Variants in ARID4B observed in about 807,000 individuals in gnomAD.
ARID4B encodes the protein AT-rich interaction domain 4B, also known as AT-rich interactive domain-containing protein 4B.
Under a neutral mutation model 147.5 loss-of-function variants are expected in ARID4B, and 26 were observed. The ratio of observed to expected loss-of-function variants is 0.18; its 90% CI spans 0.13 to 0.24. The LOEUF is 0.24. Among genes scored for constraint, ARID4B ranks in the 10% least tolerant of loss-of-function variants. The pLI, the probability that ARID4B is intolerant of heterozygous loss-of-function variation, is 1.00. For missense variants in ARID4B, 1,179 were observed against 1,511.5 expected (o/e 0.78, Z 3.65); for synonymous variants, 512 against 507.9 (o/e 1.01, Z -0.11).
At chr1:235,260,454 T>A (rs983340629) in intron 3 of ARID4B, among the ~76,000 whole-genome samples, 188 bp downstream of exon 3, 2 of 152,226 alleles carry the variant, frequency 1.3e-5, no homozygotes, top group Non-Finnish European at 2.9e-5. Flanking sequence ...AAATACCAAC[T>A]GTGATAATCT....
chr1:235,309,446 C>G (rs12743843), intron 2 of ARID4B, among the ~76,000 whole-genome samples: 1 of 146,452 alleles, frequency 6.8e-6, no homozygotes, highest in South Asian at 2.2e-4. Context: ...CCCCGCCCGG[C>G]CAGCCGCCCC....
At chr1:235,289,233 A>C (rs1024300677) in intron 2 of ARID4B, among the ~76,000 whole-genome samples, 2 of 152,222 alleles carry the variant, frequency 1.3e-5, no homozygotes, top group Admixed American at 6.5e-5. Flanking sequence ...TCAAACAGTA[A>C]ATTAACTCAA....
Position 235,238,715 on chromosome 1 carries a change from A to T in ARID4B, c.585+1598T>A, listed in dbSNP as rs560058614. On this transcript the variant is annotated intron_variant, in intron 8 of 23. Coordinates refer to ENST00000264183, the MANE Select transcript of ARID4B (RefSeq NM_016374.6). Reference sequence around the variant, plus strand: ...TACAAAGTATTTAAAAATTAGCCAGATGTGGTGGTCTCCACCTGTAGTGTG... The same window carrying T: ...TACAAAGTATTTAAAAATTAGCCAGTTGTGGTGGTCTCCACCTGTAGTGTG... Among the ~76,000 whole-genome samples the T allele has an allele frequency of 2.0e-5, 3 of 152,118 alleles. No homozygotes were observed. The South Asian group carries it at 6.2e-4, about 32-fold the overall frequency.
chr1:235,215,669 A>G (rs1667025993), intron 16 of ARID4B, among the ~76,000 whole-genome samples: 1 of 149,478 alleles, frequency 6.7e-6, no homozygotes, highest in African/African-American at 2.5e-5. Context: ...TGTGGTCTTG[A>G]CTTCCTGTGC....
rs946830401 is a variant in ARID4B, at chr1:235,291,079, GACAGAGTA to G, written c.7-30335_7-30328del. 2.1e-4 allele frequency among the ~76,000 whole-genome samples: 32 copies of G among 152,260 alleles called. 1 individual carries two copies. Among genetic ancestry groups the G allele is most frequent in the Admixed American group, 1.6e-3 (24 of 15,276 alleles). On this transcript the variant is annotated intron_variant, in intron 2 of 23. Transcript: ENST00000264183. Reference sequence around the variant, plus strand: ...AGTGCTACTGCACTCCTGCCTGTGTGACAGAGTAACAATTTGTTTCTAAAAGAAGAAAA... The same window carrying G: ...AGTGCTACTGCACTCCTGCCTGTGTGACAATTTGTTTCTAAAAGAAGAAAA...
At chr1:235,325,061 A>G (rs1237366943) in intron 2 of ARID4B, among the ~76,000 whole-genome samples, 1 of 152,232 alleles carries the variant, frequency 6.6e-6, no homozygotes, top group African/African-American at 2.4e-5. Context: ...CTTTTATCAC[A>G]TAAGAAATAA....
At chr1:235,271,450 T>C (rs1473350963) in intron 2 of ARID4B, among the ~76,000 whole-genome samples, 4 of 151,664 alleles carry the variant, frequency 2.6e-5, no homozygotes, top group Non-Finnish European at 2.9e-5. Flanking sequence ...GCCAACATGG[T>C]GAAACCCAGT....
chr1:235,234,320 T>C (rs182912681), intron 9 of ARID4B, 93 bp downstream of exon 9: 29 of 806,762 alleles, frequency 3.6e-5, no homozygotes, highest in South Asian at 3.0e-4. Context: ...CCTAAGGTAA[T>C]TGGAAATAAC....
intron 2 of ARID4B, among the ~76,000 whole-genome samples, chr1:235,271,345 A>T (rs1183363013): frequency 6.6e-6 from 1 of 151,518 alleles, no homozygotes; most frequent in South Asian, 2.1e-4. Context: ...TAAAAAAATG[A>T]TAGGTCGGAT....
chr1:235,270,069 G>C (rs1173458760), intron 2 of ARID4B, among the ~76,000 whole-genome samples: 1 of 152,094 alleles, frequency 6.6e-6, no homozygotes, highest in African/African-American at 2.4e-5. Flanking sequence ...AGATCACAAG[G>C]TCAGGAGATC....
intron 2 of ARID4B, among the ~76,000 whole-genome samples, chr1:235,271,589 C>T (rs1446299570): frequency 6.6e-6 from 1 of 151,662 alleles, no homozygotes; most frequent in East Asian, 1.9e-4. Context: ...GAGTTTGCAC[C>T]ACTGCACTCC....
intron 19 of ARID4B, chr1:235,186,993 G>T: frequency 3.0e-6 from 1 of 333,238 alleles, no homozygotes; most frequent in Non-Finnish European, 5.7e-6. Flanking sequence ...ACTGTGCCTG[G>T]CCTTTAGATT....
chr1:235,288,246 T>C (rs151176972), intron 2 of ARID4B, among the ~76,000 whole-genome samples: 30 of 152,188 alleles, frequency 2.0e-4, no homozygotes, highest in African/African-American at 6.0e-4. Flanking sequence ...GAGACGGAGA[T>C]TGCAGTAAGC....
intron 8 of ARID4B, among the ~76,000 whole-genome samples, chr1:235,238,709 A>T (rs1668781102): frequency 6.6e-6 from 1 of 152,102 alleles, no homozygotes; most frequent in South Asian, 2.1e-4. Flanking sequence ...TTTAAAAATT[A>T]GCCAGATGTG....
rs1663035750 is a variant in ARID4B, at chr1:235,167,266, G to T, written c.*1259C>A. 1 of 215,414 alleles carries T rather than the reference G, an allele frequency of 4.6e-6. No homozygotes were observed. The highest frequency in any genetic ancestry group is 9.4e-6 in the Non-Finnish European group (1 of 106,718). The allele number at this position is 215,414 out of a possible 1,614,324, so 13.3% of individuals were successfully genotyped here. A position where few individuals can be genotyped will look rare whatever the true frequency, so the allele number is the denominator to read the frequency against. ...CAGCCCCATCCAAAAAAAGTACACA[G>T]AACTACAATTAAAACAGTAAAACAG... On this transcript the variant is annotated 3_prime_UTR_variant, in exon 24 of 24. Transcript: ENST00000264183.
intron 7 of ARID4B, among the ~76,000 whole-genome samples, chr1:235,243,903 A>C (rs570799855): frequency 6.6e-6 from 1 of 152,132 alleles, no homozygotes; most frequent in East Asian, 1.9e-4. Flanking sequence ...AAATGAATCA[A>C]ATTCTCATAT....
At chr1:235,252,482 A>G (rs1265836223) in intron 6 of ARID4B, among the ~76,000 whole-genome samples, 11 of 152,232 alleles carry the variant, frequency 7.2e-5, no homozygotes, top group African/African-American at 2.7e-4. Context: ...GCCTAAAGAT[A>G]ATAATTAAAG....
At chr1:235,277,628 G>GTGTGTT (rs1671420272) in intron 2 of ARID4B, among the ~76,000 whole-genome samples, 1 of 126,512 alleles carries the variant, frequency 7.9e-6, no homozygotes, top group Admixed American at 8.6e-5. Flanking sequence ...GTGTGTGTGT[G>GTGTGTT]TGTGTGTGTG....
At chr1:235,300,538 A>G (rs1673046086) in intron 2 of ARID4B, among the ~76,000 whole-genome samples, 1 of 152,280 alleles carries the variant, frequency 6.6e-6, no homozygotes, top group Non-Finnish European at 1.5e-5. Context: ...AAGTATTCTC[A>G]TAGTGCTATC....
Sources: allele counts gnomAD v4.1 joint callset (sites outside exome capture counted in the v4.1 genomes callset), GRCh38; gene constraint gnomAD v4.1.1; transcripts MANE v1.5; gene names NCBI Gene and HGNC (gene_info 2026-07-23, HGNC 2026-07-21).